The following GDNF variants were observed in gnomAD, a reference collection of about 807,000 sequenced individuals.
GDNF encodes the protein glial cell line-derived neurotrophic factor.
Under a neutral mutation model 13.7 loss-of-function variants are expected in GDNF, and 5 were observed. The observed-to-expected ratio is 0.36, with a 90% CI of 0.19 to 0.77. GDNF has a LOEUF of 0.77. Among genes scored for constraint, GDNF ranks in the 30% least tolerant of loss-of-function variants. The probability of loss-of-function intolerance (pLI) is 0.51; values close to 1 mark genes in which losing one functional copy is unlikely to be tolerated. For missense variants in GDNF, 246 were observed against 274.3 expected (o/e 0.90, Z 0.73); for synonymous variants, 122 against 112.5 (o/e 1.08, Z -0.53).
At chr5:37,817,234 C>T (rs959300335) in intron 2 of GDNF, among the ~76,000 whole-genome samples, 4 of 152,172 alleles carry the variant, frequency 2.6e-5, no homozygotes, top group African/African-American at 9.7e-5. Context: ...TCAGTGTTTG[C>T]TTTGGCCAAT....
rs1320256760 is a variant in GDNF, at chr5:37,815,848, C to T, written c.439G>A (p.Gly147Ser). 6.2e-7 allele frequency: 1 copy of T among 1,613,962 alleles called. No homozygotes were observed. Among genetic ancestry groups the T allele is most frequent in the Non-Finnish European group, 8.5e-7 (1 of 1,179,850 alleles). ...KEELIFRYCSGSCDAAETTYD... is the reference protein window; with the variant it reads ...KEELIFRYCSSSCDAAETTYD... ...GTTGTCTCAGCTGCATCGCAAGAGC[C>T]GCTGCAGTACCTAAAAATCAGTTCC... The change falls in exon 3 of 3, where the codon GGC becomes AGC. Residue 147 changes from glycine to serine, a missense_variant. Gly to Ser is a moderately conservative substitution (Grantham distance 56). Transcript: ENST00000326524. This position sits in a 1 kb window ranked among gnomAD's most constrained non-coding sequence, Gnocchi z 5.0.
intron 1 of GDNF, chr5:37,835,919 C>T: frequency 3.6e-6 from 2 of 548,374 alleles, no homozygotes; most frequent in Non-Finnish European, 6.5e-6. Context: ...TGTTTGGCTT[C>T]TCAATCCTCA....
In GDNF at chr5:37,822,448, G is replaced by C. The variant is rs1255927273; in HGVS notation, c.152-6313C>G. Among the ~76,000 whole-genome samples the C allele has an allele frequency of 2.0e-5, 3 of 152,210 alleles. No individual in the cohort carries two copies. The South Asian group carries it at 6.2e-4, about 32-fold the overall frequency. On this transcript the variant is annotated intron_variant, in intron 2 of 2. Coordinates refer to ENST00000326524, the MANE Select transcript of GDNF (RefSeq NM_000514.4). ...GGCCACACAAGTGAGAGATACATCA[G>C]GAACCAGTGGCCAGATGGTGGGGCT...
At chr5:37,832,604 C>A (rs1318705234) in intron 2 of GDNF, among the ~76,000 whole-genome samples, 1 of 152,218 alleles carries the variant, frequency 6.6e-6, no homozygotes, top group Non-Finnish European at 1.5e-5. Flanking sequence ...ACTGATGACA[C>A]AGCATCAATT....
rs567097456 is a variant in GDNF at position 37,832,904 on chromosome 5, A to C, written c.151+1742T>G. 3.3e-5 allele frequency among the ~76,000 whole-genome samples: 5 copies of C among 152,318 alleles called. No individual in the cohort carries two copies. The South Asian group carries it at 8.3e-4, about 25-fold the overall frequency. On this transcript the variant is annotated intron_variant, in intron 2 of 2. Transcript: ENST00000326524. Reference sequence around the variant, plus strand: ...CAGGTGACTCCAATCTCTTCTTAGGAGATTCTTCCCAAAGGACTTTAGGAC... The same window carrying C: ...CAGGTGACTCCAATCTCTTCTTAGGCGATTCTTCCCAAAGGACTTTAGGAC...
At chr5:37,828,268 T>C (rs924284759) in intron 2 of GDNF, among the ~76,000 whole-genome samples, 1 of 152,210 alleles carries the variant, frequency 6.6e-6, no homozygotes, top group African/African-American at 2.4e-5. Context: ...CCTTGCTTTG[T>C]TGCAAAGAGT....
At position 37,815,800 on chromosome 5, in the gene GDNF, A is replaced by C. The variant is rs753300953; in HGVS notation, c.487T>G (p.Leu163Val). 1 of 1,614,132 alleles carries C rather than the reference A, an allele frequency of 6.2e-7. No homozygotes were observed. Among genetic ancestry groups the C allele is most frequent in the Non-Finnish European group, 8.5e-7 (1 of 1,180,026 alleles). ...ETTYDKILKN[L>V]SRNRRLVSDK... The stretch of plus-strand genomic sequence containing the variant: ...CTCACCAGCCTTCTATTTCTGGATA[A>C]GTTTTTCAATATTTTGTCGTACGTT... Residue 163 changes from leucine (L) to valine (V), a missense_variant, in exon 3 of 3, where the codon TTA (leucine) becomes GTA (valine). Physicochemically the swap from Leu to Val is conservative, Grantham distance 32. Coordinates refer to ENST00000326524, the MANE Select transcript of GDNF (RefSeq NM_000514.4). This position sits in a 1 kb window ranked among gnomAD's most constrained non-coding sequence, Gnocchi z 5.0.
At position 37,816,016 on chromosome 5, in the gene GDNF, G is replaced by T. The variant is rs775157679; in HGVS notation, c.271C>A (p.Arg91=). The T allele has an allele frequency of 1.2e-5, 19 of 1,613,614 alleles. No individual in the cohort carries two copies. In the Admixed American group the frequency reaches 3.0e-4, roughly 25 times the overall value. ...TTGGCAGCTGCAGCCTGCCGATTCCGCTCTCTTCTAGGAAGCACTGCCATT... is the reference window on the plus strand; with the variant it reads ...TTGGCAGCTGCAGCCTGCCGATTCCTCTCTCTTCTAGGAAGCACTGCCATT... The part of the protein sequence containing the change: ...KQMAVLPRRE[R]NRQAAAANPE... Residue 91 remains arginine (R), a synonymous_variant, in exon 3 of 3, where the codon CGG becomes AGG. Transcript: ENST00000326524.
Position 37,837,940 on chromosome 5 carries a change from C to G in GDNF, c.-27+1567G>C, listed in dbSNP as rs1250499916. Among the ~76,000 whole-genome samples, 3 of 150,710 alleles carry G rather than the reference C, an allele frequency of 2.0e-5. No homozygotes were observed. The highest frequency in any genetic ancestry group is 2.9e-5 in the Non-Finnish European group (2 of 67,912). ...GGCTTTGCCTTCAAGATCCAGGTCT[C>G]AGAGAGAGAAAAAGGAGGCGGTGGG... On this transcript the variant is annotated intron_variant, in intron 1 of 2. Coordinates refer to ENST00000326524, the MANE Select transcript of GDNF (RefSeq NM_000514.4). This position sits in a 1 kb window ranked among gnomAD's most constrained non-coding sequence, Gnocchi z 6.5.
intron 2 of GDNF, chr5:37,824,343 G>A (rs1750236165): frequency 1.3e-5 from 2 of 152,148 alleles, no homozygotes; most frequent in South Asian, 2.1e-4. Flanking sequence ...GCTGCTTCAA[G>A]TATGCTTAGG....
intron 2 of GDNF, among the ~76,000 whole-genome samples, chr5:37,822,685 T>G (rs1462273883): frequency 6.6e-6 from 1 of 152,212 alleles, no homozygotes; most frequent in African/African-American, 2.4e-5. Flanking sequence ...CAAATTGCTC[T>G]ACAGGCCAAG....
intron 2 of GDNF, among the ~76,000 whole-genome samples, chr5:37,829,302 G>A (rs1205612687): frequency 6.6e-6 from 1 of 151,824 alleles, no homozygotes; most frequent in Non-Finnish European, 1.5e-5. Flanking sequence ...CAAGTACCAG[G>A]TCAAATCCTC....
At chr5:37,829,925 T>TC (rs58650563) in intron 2 of GDNF, among the ~76,000 whole-genome samples, 6,244 of 152,286 alleles carry the variant, frequency 0.041, 435 homozygotes, top group African/African-American at 0.14. Flanking sequence ...AGTTTCTTGA[T>TC]TCCAAGAGAC....
At chr5:37,821,546 G>A (rs2973045) in intron 2 of GDNF, among the ~76,000 whole-genome samples, 47,830 of 151,984 alleles carry the variant, frequency 0.31, 8,071 homozygotes, top group African/African-American at 0.45. Flanking sequence ...GAAATCCAAA[G>A]TGCTCAAATG....
At chr5:37,818,114 C>A (rs927690999) in intron 2 of GDNF, among the ~76,000 whole-genome samples, 2 of 152,212 alleles carry the variant, frequency 1.3e-5, no homozygotes, top group Non-Finnish European at 2.9e-5. Context: ...GCACCACTGA[C>A]CTTTTCGGCT....
rs778217769 is a variant in GDNF at position 37,834,728 on chromosome 5, G to A, written c.69C>T (p.Pro23=). The change falls in exon 2 of 3, where the codon CCC becomes CCT. Residue 23 remains proline (P), a synonymous_variant. Transcript: ENST00000326524. ...LLHTASAFPL[P]AGKRPPEAPA... ...GCGCCTCGGGAGGCCTCTTACCGGC[G>A]GGCAGCGGGAAGGCGGACGCGGTGT... 4.3e-6 allele frequency: 7 copies of A among 1,611,726 alleles called. No individual in the cohort carries two copies. Among genetic ancestry groups the A allele is most frequent in the African/African-American group, 1.3e-5 (1 of 74,840 alleles).
At position 37,839,282 on chromosome 5, in the gene GDNF, G is replaced by A. The variant is rs528873832; in HGVS notation, c.-27+225C>T. Reference sequence around the variant, plus strand: ...TGGGGCTCCACAGATCTTTGCCCACGTGGAAAAGGCAACATGCCCCTCCGA... The same window carrying A: ...TGGGGCTCCACAGATCTTTGCCCACATGGAAAAGGCAACATGCCCCTCCGA... On this transcript the variant is annotated intron_variant, in intron 1 of 2. Coordinates refer to ENST00000326524, the MANE Select transcript of GDNF (RefSeq NM_000514.4). This position sits in a 1 kb window ranked among gnomAD's most constrained non-coding sequence, Gnocchi z 5.5. Among the ~76,000 whole-genome samples the A allele has an allele frequency of 6.6e-6, 1 of 152,332 alleles. No homozygotes were observed. Among genetic ancestry groups the A allele is most frequent in the East Asian group, 1.9e-4 (1 of 5,172 alleles).
chr5:37,823,816 C>T (rs115745064), intron 2 of GDNF, among the ~76,000 whole-genome samples: 2,594 of 152,310 alleles, frequency 0.017, 44 homozygotes, highest in Middle Eastern at 0.024. Flanking sequence ...CTCCAAAATG[C>T]TAAAGTGTGG....
chr5:37,826,753 TAA>T, intron 2 of GDNF, among the ~76,000 whole-genome samples: 1 of 152,316 alleles, frequency 6.6e-6, no homozygotes, highest in East Asian at 1.9e-4. Context: ...TGCCATGTCC[TAA>T]AATGTCTGGT....
Sources: allele counts gnomAD v4.1 joint callset (sites outside exome capture counted in the v4.1 genomes callset), GRCh38; gene constraint gnomAD v4.1.1; non-coding constraint Gnocchi (gnomAD v3.1); transcripts MANE v1.5; gene names NCBI Gene and HGNC (gene_info 2026-07-23, HGNC 2026-07-21).